SART3: variants seen among roughly 807,000 people sequenced by gnomAD.
The protein encoded by SART3 is HIV-1 Tat-interacting protein of 110kDa.
In SART3, 44 loss-of-function variants were observed where a neutral mutation model predicts 122.3. The observed-to-expected ratio is 0.36, with a 90% CI of 0.28 to 0.46. SART3 has a LOEUF of 0.46. SART3 is among the 20% of genes least tolerant of loss of function. The pLI is 1.00. For synonymous variants in SART3, 442 were observed against 454.0 expected (o/e 0.97, Z 0.34); for missense variants, 1,101 against 1,229.0 (o/e 0.90, Z 1.56).
intron 7 of SART3, among the ~76,000 whole-genome samples, 167 bp downstream of exon 7, chr12:108,538,767 A>G (rs1044477695): frequency 6.6e-6 from 1 of 152,260 alleles, no homozygotes; most frequent in Non-Finnish European, 1.5e-5. Flanking sequence ...CCATTTTTAA[A>G]TAACTTGAAA....
chr12:108,557,945 C>T (rs1324523815), intron 1 of SART3, among the ~76,000 whole-genome samples: 1 of 152,176 alleles, frequency 6.6e-6, no homozygotes, highest in Admixed American at 6.5e-5. Flanking sequence ...AGGAGCATCA[C>T]TTCAGCTCAG....
chr12:108,560,608 G>C (rs1171347884), intron 1 of SART3: 3 of 480,458 alleles, frequency 6.2e-6, no homozygotes, highest in African/African-American at 6.0e-5. Context: ...CAGTAAAATG[G>C]GGATAGATAA....
chr12:108,527,914 C>T (rs1035116780), intron 15 of SART3, among the ~76,000 whole-genome samples: 4 of 152,002 alleles, frequency 2.6e-5, no homozygotes, highest in East Asian at 3.9e-4. Context: ...AACAGGCACC[C>T]GCCACCACAG....
chr12:108,529,316 C>A (rs1293735092), intron 15 of SART3, among the ~76,000 whole-genome samples: 1 of 152,164 alleles, frequency 6.6e-6, no homozygotes, highest in Non-Finnish European at 1.5e-5. Flanking sequence ...CACACACACA[C>A]ACTCCCTACC....
At chr12:108,560,676 A>G in intron 1 of SART3, 167 bp downstream of exon 1, 1 of 579,702 alleles carries the variant, frequency 1.7e-6, no homozygotes, top group Non-Finnish European at 3.0e-6. Flanking sequence ...TTGCAAGGCA[A>G]TGGGCAGGCA....
chr12:108,535,516 G>A (rs113059175), intron 11 of SART3, 48 bp from the exon 12 acceptor site: 175 of 1,423,430 alleles, frequency 1.2e-4, no homozygotes, highest in Non-Finnish European at 1.5e-4. Flanking sequence ...TTATGACGTC[G>A]ACACCCATCA....
At chr12:108,545,514 C>A (rs1873364579) in intron 3 of SART3, among the ~76,000 whole-genome samples, 191 bp from the exon 4 acceptor site, 1 of 152,052 alleles carries the variant, frequency 6.6e-6, no homozygotes, top group South Asian at 2.1e-4. Context: ...CATAGATCCT[C>A]AGAAAAAGAT....
At chr12:108,542,696 G>T (rs560814235) in intron 6 of SART3, 1 of 370,136 alleles carries the variant, frequency 2.7e-6, no homozygotes. Flanking sequence ...ATTAATTAAG[G>T]ATACTTTCAT....
intron 14 of SART3, among the ~76,000 whole-genome samples, chr12:108,530,733 C>A (rs2287548): frequency 0.79 from 119,991 of 151,968 alleles, 47,951 homozygotes; most frequent in East Asian, 0.92. Flanking sequence ...TAGCGGGCAC[C>A]TGTAGTCCCA....
In SART3 at chr12:108,547,898, T is replaced by C. The variant is rs1873502775; in HGVS notation, c.533A>G (p.Lys178Arg). Residue 178 changes from lysine (K) to arginine (R), a missense_variant, in exon 3 of 19, where the codon AAG becomes AGG. Transcript: ENST00000546815. Reference sequence around the variant, plus strand: ...CCACGGGAACTTACAAATGTAATCCTTCACGGCTTTCTCAAAGAGGTCATA... The same window carrying C: ...CCACGGGAACTTACAAATGTAATCCCTCACGGCTTTCTCAAAGAGGTCATA... ...HVYDLFEKAVKDYICPNIWLE... is the reference protein window; with the variant it reads ...HVYDLFEKAVRDYICPNIWLE... 6.2e-7 allele frequency: 1 copy of C among 1,613,412 alleles called. No individual in the cohort carries two copies. Among genetic ancestry groups the C allele is most frequent in the Non-Finnish European group, 8.5e-7 (1 of 1,179,656 alleles).
intron 11 of SART3, chr12:108,535,703 C>A: frequency 1.9e-6 from 1 of 532,236 alleles, no homozygotes; most frequent in South Asian, 1.9e-5. Flanking sequence ...AGAGAGGGAG[C>A]GCACGGTACT....
chr12:108,527,040 T>C (rs1483316821), intron 15 of SART3, among the ~76,000 whole-genome samples: 1 of 152,228 alleles, frequency 6.6e-6, no homozygotes, highest in African/African-American at 2.4e-5. Flanking sequence ...TTAAGAGAGC[T>C]TAACCACAAT....
rs1435190840 is a variant in SART3, at chr12:108,530,183, G to T, written c.1874C>A (p.Ala625Glu). 1.9e-6 allele frequency: 3 copies of T among 1,614,068 alleles called. No individual in the cohort carries two copies. Among genetic ancestry groups the T allele is most frequent in the East Asian group, 2.2e-5 (1 of 44,882 alleles). ...CCACTCTTTCTCATCATCCTCATCT[G>T]CTCCGCGCTTCTCTGGGCCTCTGAT... The part of the protein sequence containing the change: ...KKIRGPEKRG[A>E]DEDDEKEWGD... Residue 625 changes from alanine (A) to glutamate (E), a missense_variant, in exon 15 of 19, where the codon GCA becomes GAA. Physicochemically the swap from Ala to Glu is moderately radical, Grantham distance 107. Transcript: ENST00000546815.
chr12:108,531,870 T>C lies in SART3; in HGVS notation c.1669+352A>G, dbSNP rs1235421247. On this transcript the variant is annotated intron_variant, in intron 13 of 18. Transcript: ENST00000546815. The stretch of plus-strand genomic sequence containing the variant: ...GCCCATCAAGAGACATTTGGCAATG[T>C]TAAGAGACATTTCTGGTTGTCATGT... The C allele has an allele frequency of 1.1e-5, 4 of 349,496 alleles. No homozygotes were observed. The East Asian group carries it at 2.9e-4, about 26-fold the overall frequency. The allele number at this position is 349,496 out of a possible 1,614,324, so 21.6% of individuals were successfully genotyped here. A position where few individuals can be genotyped will look rare whatever the true frequency, so the allele number is the denominator to read the frequency against.
chr12:108,539,060 T>A lies in SART3; in HGVS notation c.936A>T (p.Glu312Asp), dbSNP rs1351195807. 1 of 1,614,104 alleles carries A rather than the reference T, an allele frequency of 6.2e-7. No homozygotes were observed. Among genetic ancestry groups the A allele is most frequent in the African/African-American group, 1.3e-5 (1 of 74,934 alleles). ...LLQAEAPRLA[E>D]YQAYIDFEMK... ...TCTCAAAATCGATATATGCTTGATA[T>A]TCTGCCAGCCTTGGTGCCTCTGCCT... Residue 312 changes from glutamate (E) to aspartate (D), a missense_variant, in exon 7 of 19, where the codon GAA becomes GAT. Physicochemically the swap from Glu to Asp is conservative, Grantham distance 45. This residue lies in a region of SART3 where 885 missense variants were observed against 1,080.1 expected (regional missense o/e 0.82). Coordinates refer to ENST00000546815, the MANE Select transcript of SART3 (RefSeq NM_014706.4).
intron 1 of SART3, 52 bp from the exon 2 acceptor site, chr12:108,549,266 T>C (rs747081035): frequency 1.2e-6 from 2 of 1,601,366 alleles, no homozygotes; most frequent in South Asian, 2.2e-5. Context: ...TCAAGTAACT[T>C]AGCTTTTGTC....
chr12:108,558,926 G>A (rs1044374256), intron 1 of SART3, among the ~76,000 whole-genome samples: 2 of 151,724 alleles, frequency 1.3e-5, no homozygotes, highest in African/African-American at 2.4e-5. Context: ...CCAGCTACTC[G>A]GGGGGCTGAG....
chr12:108,532,725 G>T, intron 12 of SART3: 1 of 237,278 alleles, frequency 4.2e-6, no homozygotes. Context: ...TGAATCCAGG[G>T]TAGTGTCAAA....
At chr12:108,532,155 T>C (rs546390587) in intron 13 of SART3, 67 bp downstream of exon 13, 1 of 1,341,280 alleles carries the variant, frequency 7.5e-7, no homozygotes, top group South Asian at 1.2e-5. Context: ...TGTAACCAGA[T>C]GCTCCTACTT....
Sources: gnomAD v4.1 joint callset for allele counts (sites outside exome capture counted in the v4.1 genomes callset) on GRCh38, gnomAD v4.1.1 for gene constraint, gnomAD v4.1.1 regional missense constraint, MANE v1.5 for transcripts, NCBI Gene and HGNC (gene_info 2026-07-23, HGNC 2026-07-21) for gene names.